Variants in RICTOR observed in about 807,000 individuals in gnomAD.
The protein encoded by RICTOR is rapamycin-insensitive companion of mTOR.
RICTOR carries 49 observed loss-of-function variants against 214.9 expected under a neutral mutation model. The ratio of observed to expected loss-of-function variants is 0.23; its 90% confidence interval spans 0.18 to 0.29. The LOEUF (loss-of-function observed/expected upper bound fraction) is 0.29, where lower values mean the gene tolerates loss of function less well. RICTOR is among the 10% of genes least tolerant of loss of function. The pLI is 1.00. For missense variants in RICTOR, 1,625 were observed against 2,047.0 expected, an observed-to-expected ratio of 0.79 and a Z score of 3.98; for synonymous variants, 717 against 711.3, an observed-to-expected ratio of 1.01 and a Z score of -0.13.
chr5:38,980,429 A>G (rs1204288977), intron 8 of RICTOR, among the ~76,000 whole-genome samples: 1 of 152,146 alleles, frequency 6.6e-6, no homozygotes, highest in Non-Finnish European at 1.5e-5. Context: ...ACGTCCAACT[A>G]AGTTAAATTG....
chr5:38,956,824 C>T lies in RICTOR; in HGVS notation c.2499+828G>A, dbSNP rs72635272. On this transcript the variant is annotated intron_variant, in intron 25 of 37. Coordinates refer to ENST00000357387, the MANE Select transcript of RICTOR (RefSeq NM_152756.5). The stretch of plus-strand genomic sequence containing the variant: ...GAAACAAACCTATCACATCTTGTCT[C>T]AGTTCTACAATTCATCAAATACTAA... 1.9e-3 allele frequency among the ~76,000 whole-genome samples: 290 copies of T among 152,184 alleles called. 3 individuals are homozygous for T. In the East Asian group the frequency reaches 0.029, roughly 15 times the overall value.
chr5:39,029,744 T>G (rs1173151960), intron 2 of RICTOR, among the ~76,000 whole-genome samples: 3 of 152,198 alleles, frequency 2.0e-5, no homozygotes, highest in Non-Finnish European at 2.9e-5. Flanking sequence ...CTACGTAAAG[T>G]GGAAATATTT....
At chr5:39,041,932 C>A (rs1034578923) in intron 2 of RICTOR, among the ~76,000 whole-genome samples, 1 of 131,948 alleles carries the variant, frequency 7.6e-6, no homozygotes, top group African/African-American at 3.1e-5. Context: ...CAGAGCAAGA[C>A]CCTGTTTCAA....
chr5:38,972,709 G>A lies in RICTOR; in HGVS notation c.890-750C>T, dbSNP rs561552165. 4.5e-4 allele frequency among the ~76,000 whole-genome samples: 69 copies of A among 152,058 alleles called. 1 individual carries two copies. In the Middle Eastern group the frequency reaches 0.014, roughly 30 times the overall value. ...GGAAAAAGTCTGGCAGTTTCTCATG[G>A]ACACAAACATACATCCAATCTCAGA... is the stretch of plus-strand genomic sequence containing the variant. On this transcript the variant is annotated intron_variant, in intron 10 of 37. Transcript: ENST00000357387.
chr5:38,985,288 C>A (rs1024871739), intron 7 of RICTOR, among the ~76,000 whole-genome samples: 1 of 152,128 alleles, frequency 6.6e-6, no homozygotes, highest in African/African-American at 2.4e-5. Context: ...TGCTTTAAAT[C>A]ACCTCTAGAT....
At chr5:39,024,665 T>A (rs1244807330) in intron 2 of RICTOR, among the ~76,000 whole-genome samples, 3 of 152,236 alleles carry the variant, frequency 2.0e-5, no homozygotes, top group African/African-American at 7.2e-5. Flanking sequence ...ATCATTAGCT[T>A]GTCAGGCACC....
At position 38,952,281 on chromosome 5, in the gene RICTOR, T is replaced by C; in HGVS notation, c.3042A>G (p.Glu1014=). The part of the protein sequence containing the change: ...VPDDVEQLCN[E]LSSIPSTLSL... ...TTAGAGTGCTTGGGATAGATGAAAG[T>C]TCATTACAGAGTTGTTCCACATCAT... is the stretch of plus-strand genomic sequence containing the variant. Residue 1014 remains glutamate, a synonymous_variant, in exon 30 of 38, where the codon GAA becomes GAG. Coordinates refer to ENST00000357387, the MANE Select transcript of RICTOR (RefSeq NM_152756.5). 3 of 1,613,024 alleles carry C rather than the reference T, an allele frequency of 1.9e-6. No homozygotes were observed. Among genetic ancestry groups the C allele is most frequent in the Non-Finnish European group, 2.5e-6 (3 of 1,179,272 alleles).
In RICTOR at chr5:38,941,471, T is replaced by C. The variant is rs979704008; in HGVS notation, c.*833A>G. ...CTAACAGTGCTTGTTCAAGTTCCTGTTTAAAGCGATGAGATGGAAAGTTGA... is the reference window on the plus strand; with the variant it reads ...CTAACAGTGCTTGTTCAAGTTCCTGCTTAAAGCGATGAGATGGAAAGTTGA... On this transcript the variant is annotated 3_prime_UTR_variant, in exon 38 of 38. Coordinates refer to ENST00000357387, the MANE Select transcript of RICTOR (RefSeq NM_152756.5). 1 of 231,690 alleles carries C rather than the reference T, an allele frequency of 4.3e-6. No individual in the cohort carries two copies. The allele number at this position is 231,690 out of a possible 1,614,324, so 14.4% of individuals were successfully genotyped here. A position where few individuals can be genotyped will look rare whatever the true frequency, so the allele number is the denominator to read the frequency against.
At chr5:39,055,505 G>A (rs1758145565) in intron 2 of RICTOR, among the ~76,000 whole-genome samples, 1 of 135,512 alleles carries the variant, frequency 7.4e-6, no homozygotes, top group African/African-American at 2.9e-5. Context: ...TGTGTTTACT[G>A]TGTTCTCCCC....
chr5:39,001,966 A>C (rs1753659468), intron 5 of RICTOR, among the ~76,000 whole-genome samples: 1 of 152,134 alleles, frequency 6.6e-6, no homozygotes, highest in Admixed American at 6.5e-5. Context: ...ACATACATGT[A>C]CCTTATAACC....
chr5:39,068,612 T>G (rs1759077232), intron 2 of RICTOR, among the ~76,000 whole-genome samples: 1 of 152,158 alleles, frequency 6.6e-6, no homozygotes, highest in South Asian at 2.1e-4. Context: ...GATCTAGATT[T>G]CTGGGAAATA....
At chr5:39,024,269 A>G (rs1391139977) in intron 2 of RICTOR, among the ~76,000 whole-genome samples, 1 of 152,166 alleles carries the variant, frequency 6.6e-6, no homozygotes, top group Non-Finnish European at 1.5e-5. Context: ...GTCCAGGCTC[A>G]GGGGCTAGAG....
intron 2 of RICTOR, among the ~76,000 whole-genome samples, chr5:39,056,737 G>A (rs1758232888): frequency 1.3e-5 from 2 of 151,942 alleles, no homozygotes; most frequent in Admixed American, 1.3e-4. Context: ...GTGATGATAA[G>A]GTGACATTTG....
chr5:38,959,655 G>T (rs571271334), intron 21 of RICTOR, 124 bp downstream of exon 21: 1 of 644,524 alleles, frequency 1.6e-6, no homozygotes, highest in East Asian at 2.8e-5. Flanking sequence ...TTAAAGCAAA[G>T]ATAATGCTAA....
At chr5:39,031,653 G>T (rs1756277333) in intron 2 of RICTOR, among the ~76,000 whole-genome samples, 1 of 152,122 alleles carries the variant, frequency 6.6e-6, no homozygotes, top group Admixed American at 6.5e-5. Flanking sequence ...AACTGGGACT[G>T]GGAGTAGAGC....
At position 39,034,687 on chromosome 5, in the gene RICTOR, G is replaced by A. The variant is rs149210985; in HGVS notation, c.98-13551C>T. ...GATTATATCCCACACCTGGCTCAGCGGGTCCTACGCCCACAGAGCCTCACT... is the reference window on the plus strand; with the variant it reads ...GATTATATCCCACACCTGGCTCAGCAGGTCCTACGCCCACAGAGCCTCACT... On this transcript the variant is annotated intron_variant, in intron 2 of 37. Transcript: ENST00000357387. Among the ~76,000 whole-genome samples, 930 of 152,348 alleles carry A rather than the reference G, an allele frequency of 6.1e-3. 12 individuals are homozygous for A. The highest frequency in any genetic ancestry group is 0.021 in the African/African-American group (869 of 41,578).
At chr5:38,983,993 A>G (rs560198778) in intron 7 of RICTOR, among the ~76,000 whole-genome samples, 165 of 152,196 alleles carry the variant, frequency 1.1e-3, no homozygotes, top group South Asian at 1.9e-3. Context: ...AAACAAAAGA[A>G]AGAAATCTGT....
intron 6 of RICTOR, among the ~76,000 whole-genome samples, chr5:38,993,578 A>G (rs1306659082): frequency 6.6e-6 from 1 of 152,172 alleles, no homozygotes; most frequent in East Asian, 1.9e-4. Context: ...AATTATTCAT[A>G]GTGTAAGTTA....
chr5:38,977,278 C>A (rs1333407449), intron 9 of RICTOR, among the ~76,000 whole-genome samples: 3 of 152,198 alleles, frequency 2.0e-5, no homozygotes, highest in African/African-American at 7.2e-5. Context: ...AGCCTCCAGG[C>A]AAGACCTGAG....
Sources: allele counts gnomAD v4.1 joint callset (sites outside exome capture counted in the v4.1 genomes callset), GRCh38; gene constraint gnomAD v4.1.1; transcripts MANE v1.5; gene names NCBI Gene and HGNC (gene_info 2026-07-23, HGNC 2026-07-21).